SAMD5: variants seen among roughly 807,000 people sequenced by gnomAD.
SAMD5 encodes the protein sterile alpha motif domain containing 5.
SAMD5 carries 13 observed loss-of-function variants against 11.3 expected under a neutral mutation model. That is an observed-to-expected ratio of 1.15 (90% CI 0.75 to 1.83). The LOEUF is 1.83. SAMD5 is among the 40% of genes most tolerant of loss of function. SAMD5 has a pLI of 0.00. For synonymous variants in SAMD5, 129 were observed against 111.3 expected, an observed-to-expected ratio of 1.16 and a Z score of -1.00; for missense variants, 255 against 239.1, an observed-to-expected ratio of 1.07 and a Z score of -0.44.
intron 1 of SAMD5, among the ~76,000 whole-genome samples, chr6:147,594,919 G>A (rs954176962): frequency 6.6e-6 from 1 of 152,182 alleles, no homozygotes; most frequent in African/African-American, 2.4e-5. Context: ...GGTGATGCCT[G>A]CATCTTGAAA....
chr6:147,522,834 G>A (rs1788275000), intron 1 of SAMD5, among the ~76,000 whole-genome samples: 1 of 152,184 alleles, frequency 6.6e-6, no homozygotes, highest in Non-Finnish European at 1.5e-5. Flanking sequence ...CACCCCTGTT[G>A]CTCAAAAGGC....
chr6:147,648,317 A>G (rs1790434300), intron 1 of SAMD5, among the ~76,000 whole-genome samples: 1 of 152,178 alleles, frequency 6.6e-6, no homozygotes, highest in Non-Finnish European at 1.5e-5. Context: ...CAAACACTTA[A>G]AAAACCATCA....
chr6:147,894,670 A>G, the SAMD5 span, among the ~76,000 whole-genome samples: 1 of 152,222 alleles, frequency 6.6e-6, no homozygotes, highest in Middle Eastern at 3.2e-3. Flanking sequence ...CTCTGAGGAC[A>G]TGAATATTCA....
At chr6:147,595,387 A>G (rs1158566607) in intron 1 of SAMD5, among the ~76,000 whole-genome samples, 4 of 152,168 alleles carry the variant, frequency 2.6e-5, no homozygotes, top group Admixed American at 1.3e-4. Flanking sequence ...ACAGTTAGCC[A>G]GTAGAGCCCA....
intron 1 of SAMD5, among the ~76,000 whole-genome samples, chr6:147,672,563 A>G (rs1260240425): frequency 6.6e-6 from 1 of 152,190 alleles, no homozygotes; most frequent in Non-Finnish European, 1.5e-5. Context: ...ATTTTTATCC[A>G]GGAAATGTTT....
At chr6:147,693,020 G>A (rs1295648030) in intron 1 of SAMD5, among the ~76,000 whole-genome samples, 1 of 152,208 alleles carries the variant, frequency 6.6e-6, no homozygotes. Flanking sequence ...ATCAATTGAA[G>A]GACTTTGCAG....
At chr6:147,869,271 G>A in the SAMD5 span, among the ~76,000 whole-genome samples, 1 of 152,196 alleles carries the variant, frequency 6.6e-6, no homozygotes, top group African/African-American at 2.4e-5. Flanking sequence ...CTGATGCTGT[G>A]GCCCTTGGAG....
the SAMD5 span, among the ~76,000 whole-genome samples, chr6:147,883,795 C>T: frequency 4.6e-4 from 70 of 152,264 alleles, no homozygotes; most frequent in Non-Finnish European, 7.4e-4. Flanking sequence ...TCTAATATCA[C>T]TGCAAATGTA....
chr6:147,648,276 CAAG>C (rs905300726), intron 1 of SAMD5, among the ~76,000 whole-genome samples: 16 of 152,228 alleles, frequency 1.1e-4, no homozygotes, highest in African/African-American at 3.9e-4. Context: ...CACAGGGCGG[CAAG>C]AAGGAGAATG....
the SAMD5 span, among the ~76,000 whole-genome samples, chr6:147,852,267 T>A: frequency 6.6e-6 from 1 of 152,146 alleles, no homozygotes; most frequent in Admixed American, 6.5e-5. Flanking sequence ...CCATATATAC[T>A]ACATATGGAT....
chr6:147,849,068 C>G, the SAMD5 span, among the ~76,000 whole-genome samples: 1 of 151,950 alleles, frequency 6.6e-6, no homozygotes, highest in Admixed American at 6.6e-5. Flanking sequence ...CCAACCCCTC[C>G]TTTAGAGAAC....
intron 1 of SAMD5, among the ~76,000 whole-genome samples, chr6:147,511,695 A>G (rs1788093666): frequency 6.6e-6 from 1 of 152,158 alleles, no homozygotes; most frequent in Non-Finnish European, 1.5e-5. Flanking sequence ...TTAAAATATA[A>G]TTAATGTACA....
the SAMD5 span, among the ~76,000 whole-genome samples, chr6:147,896,755 A>AAACACAAAAAACAAACAAAC: frequency 1.4e-5 from 2 of 142,424 alleles, no homozygotes; most frequent in Admixed American, 7.1e-5. Flanking sequence ...AAAAAAAAAA[A>AAACACAAAAAACAAACAAAC]AAAAAAAACG....
At chr6:147,722,450 A>C (rs935982051) in intron 1 of SAMD5, among the ~76,000 whole-genome samples, 1 of 152,226 alleles carries the variant, frequency 6.6e-6, no homozygotes, top group African/African-American at 2.4e-5. Flanking sequence ...ACTTTGCACA[A>C]GCAATTTCCT....
intron 1 of SAMD5, among the ~76,000 whole-genome samples, chr6:147,579,655 C>A (rs915064135): frequency 1.9e-4 from 29 of 151,942 alleles, no homozygotes; most frequent in African/African-American, 6.8e-4. Context: ...ACGGGTTCCA[C>A]CATGTTGGCC....
chr6:147,884,885 C>T, the SAMD5 span, among the ~76,000 whole-genome samples: 2 of 152,182 alleles, frequency 1.3e-5, no homozygotes, highest in Admixed American at 6.5e-5. Context: ...GAGTTGTCAT[C>T]TTGTAAAGAA....
At chr6:147,871,922 A>G in the SAMD5 span, among the ~76,000 whole-genome samples, 1 of 152,198 alleles carries the variant, frequency 6.6e-6, no homozygotes, top group African/African-American at 2.4e-5. Flanking sequence ...CTTCAAAGTA[A>G]TTAAAGAGAA....
At chr6:147,925,190 A>C in the SAMD5 span, among the ~76,000 whole-genome samples, 1 of 152,174 alleles carries the variant, frequency 6.6e-6, no homozygotes, top group African/African-American at 2.4e-5. Flanking sequence ...CCTTATGAAT[A>C]GGATTAGTGC....
At chr6:147,866,690 C>G in the SAMD5 span, among the ~76,000 whole-genome samples, 1 of 152,080 alleles carries the variant, frequency 6.6e-6, no homozygotes, top group Non-Finnish European at 1.5e-5. Flanking sequence ...ATTTCACTAC[C>G]CTCTTCCTGC....
Sources: allele counts gnomAD v4.1 joint callset (sites outside exome capture counted in the v4.1 genomes callset), GRCh38; gene constraint gnomAD v4.1.1; transcripts MANE v1.5; gene names NCBI Gene and HGNC (gene_info 2026-07-23, HGNC 2026-07-21).